The following ASIC2 variants were observed in gnomAD, a reference collection of about 807,000 sequenced individuals.
ASIC2 encodes the protein acid-sensing ion channel 2.
Under a neutral mutation model 57.3 loss-of-function variants are expected in ASIC2, and 25 were observed. The ratio of observed to expected loss-of-function variants is 0.44; its 90% CI spans 0.32 to 0.61. The LOEUF (loss-of-function observed/expected upper bound fraction) is 0.61, where lower values mean the gene tolerates loss of function less well. Among genes scored for constraint, ASIC2 ranks in the 20% least tolerant of loss-of-function variants. The pLI, the probability that ASIC2 is intolerant of heterozygous loss-of-function variation, is 0.06. For missense variants in ASIC2, 641 were observed against 738.1 expected, an observed-to-expected ratio of 0.87 and a Z score of 1.52; for synonymous variants, 319 against 307.5, an observed-to-expected ratio of 1.04 and a Z score of -0.39.
chr17:33,729,285 A>T (rs973289770), intron 1 of ASIC2, among the ~76,000 whole-genome samples: 1 of 152,138 alleles, frequency 6.6e-6, no homozygotes, highest in Non-Finnish European at 1.5e-5. Flanking sequence ...ACACTTTTTT[A>T]AACAACCAGA....
intron 2 of ASIC2, among the ~76,000 whole-genome samples, chr17:33,091,927 T>C (rs2092159128): frequency 6.6e-6 from 1 of 152,194 alleles, no homozygotes; most frequent in Non-Finnish European, 1.5e-5. Flanking sequence ...TTTTATTTAA[T>C]GTTAATTAAT....
intron 1 of ASIC2, among the ~76,000 whole-genome samples, chr17:33,227,725 T>C (rs928320104): frequency 1.3e-5 from 2 of 152,108 alleles, no homozygotes; most frequent in African/African-American, 4.8e-5. Context: ...AAAAACCCAA[T>C]CTGATAGGTG....
chr17:33,472,710 G>A (rs1913094685), intron 1 of ASIC2, among the ~76,000 whole-genome samples: 2 of 152,134 alleles, frequency 1.3e-5, no homozygotes, highest in South Asian at 2.1e-4. Flanking sequence ...CTGGATGGAG[G>A]TGCTTGCCTA....
rs531467173 is a variant in ASIC2 at position 33,595,896 on chromosome 17, C to T, written c.556-483829G>A. Reference sequence around the variant, plus strand: ...TCAGCTGTGTCTTGCCTTCTCTGGGCTCTACTTATTTTCTGGAGCCTCTTC... The same window carrying T: ...TCAGCTGTGTCTTGCCTTCTCTGGGTTCTACTTATTTTCTGGAGCCTCTTC... On this transcript the variant is annotated intron_variant, in intron 1 of 9. Coordinates refer to the ASIC2 transcript ENST00000359872. Among the ~76,000 whole-genome samples the T allele has an allele frequency of 1.5e-3, 232 of 152,290 alleles. 1 individual carries two copies. Among genetic ancestry groups the T allele is most frequent in the African/African-American group, 5.5e-3 (229 of 41,548 alleles).
At chr17:34,143,782 A>T (rs939793530) in intron 1 of ASIC2, among the ~76,000 whole-genome samples, 2 of 152,166 alleles carry the variant, frequency 1.3e-5, no homozygotes, top group South Asian at 4.1e-4. Flanking sequence ...CACAAGCACC[A>T]TGTCTCTGGG....
chr17:33,473,340 C>T (rs1056972081), intron 1 of ASIC2, among the ~76,000 whole-genome samples: 2 of 152,200 alleles, frequency 1.3e-5, no homozygotes, highest in African/African-American at 4.8e-5. Context: ...ATCGGCTTAC[C>T]ACTGTAATAA....
chr17:33,067,377 G>A (rs1308627284), intron 3 of ASIC2, among the ~76,000 whole-genome samples: 1 of 152,204 alleles, frequency 6.6e-6, no homozygotes, highest in Non-Finnish European at 1.5e-5. Flanking sequence ...TTGTATATGA[G>A]TAGCTAGAGG....
chr17:33,804,498 G>GA (rs1912216596), intron 1 of ASIC2, among the ~76,000 whole-genome samples: 1 of 152,122 alleles, frequency 6.6e-6, no homozygotes, highest in South Asian at 2.1e-4. Context: ...ATGAGTGCAG[G>GA]AAAAAAGAAC....
At chr17:33,693,060 C>A (rs1047056823) in intron 1 of ASIC2, among the ~76,000 whole-genome samples, 1 of 152,126 alleles carries the variant, frequency 6.6e-6, no homozygotes, top group Non-Finnish European at 1.5e-5. Context: ...CAATGTTTAT[C>A]ACATAATCCA....
chr17:33,711,514 C>T (rs1268715696), intron 1 of ASIC2, among the ~76,000 whole-genome samples: 1 of 152,172 alleles, frequency 6.6e-6, no homozygotes, highest in Non-Finnish European at 1.5e-5. Flanking sequence ...TTGTATTACT[C>T]TGTTCTCACA....
chr17:33,536,352 G>C (rs1274742568), intron 1 of ASIC2, among the ~76,000 whole-genome samples: 1 of 152,228 alleles, frequency 6.6e-6, no homozygotes, highest in Non-Finnish European at 1.5e-5. Flanking sequence ...ACTGGCTCAA[G>C]CCAACTTGTG....
At position 33,292,255 on chromosome 17, in the gene ASIC2, T is replaced by C. The variant is rs1905514280; in HGVS notation, c.-140A>G. 4 of 990,876 alleles carry C rather than the reference T, an allele frequency of 4.0e-6. No homozygotes were observed. In the South Asian group the frequency reaches 1.9e-4, roughly 47 times the overall value. The allele number at this position is 990,876 out of a possible 1,614,324, so 61.4% of individuals were successfully genotyped here. A position where few individuals can be genotyped will look rare whatever the true frequency, so the allele number is the denominator to read the frequency against. ...AGGGAAGCGTGCGCCCGAAAGGAGC[T>C]CCGGTGGCGCGGCATGCCCGCCCGG... On this transcript the variant is annotated 5_prime_UTR_variant, in exon 1 of 10. Coordinates refer to ENST00000225823, the MANE Select transcript of ASIC2 (RefSeq NM_183377.2).
intron 1 of ASIC2, among the ~76,000 whole-genome samples, chr17:33,598,896 T>A (rs1905052221): frequency 6.6e-6 from 1 of 152,200 alleles, no homozygotes; most frequent in Non-Finnish European, 1.5e-5. Context: ...TCAACTACTT[T>A]GTCAGGGAGT....
At chr17:33,510,022 C>T (rs528499783) in intron 1 of ASIC2, among the ~76,000 whole-genome samples, 9 of 152,150 alleles carry the variant, frequency 5.9e-5, no homozygotes, top group Non-Finnish European at 1.3e-4. Context: ...TTAAATAGCC[C>T]TCCAGAGGGA....
chr17:33,736,572 T>C (rs1381331504), intron 1 of ASIC2, among the ~76,000 whole-genome samples: 1 of 152,220 alleles, frequency 6.6e-6, no homozygotes, highest in Non-Finnish European at 1.5e-5. Context: ...GCTATGCCTC[T>C]GTGATGATTC....
chr17:33,732,557 G>T (rs1316856893), intron 1 of ASIC2, among the ~76,000 whole-genome samples: 1 of 148,122 alleles, frequency 6.8e-6, no homozygotes, highest in African/African-American at 2.5e-5. Flanking sequence ...GGATTGCTGT[G>T]GTGCGATCCT....
At position 33,719,079 on chromosome 17, in the gene ASIC2, C is replaced by T. The variant is rs186659731; in HGVS notation, c.555+436899G>A. On this transcript the variant is annotated intron_variant, in intron 1 of 9. Coordinates refer to the ASIC2 transcript ENST00000359872. ...CTGCCCGGGGGATAGGCTGAGTCCA[C>T]CAATGGGAACCTGCTACACAGGGTG... is the stretch of plus-strand genomic sequence containing the variant. 3.9e-3 allele frequency among the ~76,000 whole-genome samples: 587 copies of T among 152,216 alleles called. 1 individual carries two copies. Among genetic ancestry groups the T allele is most frequent in the Middle Eastern group, 6.8e-3 (2 of 294 alleles).
chr17:33,260,881 G>A (rs1435116138), intron 1 of ASIC2, among the ~76,000 whole-genome samples: 1 of 152,206 alleles, frequency 6.6e-6, no homozygotes, highest in African/African-American at 2.4e-5. Flanking sequence ...CTGGCCTCCT[G>A]CTGCCACGTA....
chr17:33,581,746 A>G (rs1024141513), intron 1 of ASIC2, among the ~76,000 whole-genome samples: 4 of 152,216 alleles, frequency 2.6e-5, no homozygotes, highest in South Asian at 2.1e-4. Flanking sequence ...TTGGTGTCCT[A>G]TGCGATGAAG....
Sources: gnomAD v4.1 joint callset for allele counts (sites outside exome capture counted in the v4.1 genomes callset) on GRCh38, gnomAD v4.1.1 for gene constraint, MANE v1.5 for transcripts, NCBI Gene and HGNC (gene_info 2026-07-23, HGNC 2026-07-21) for gene names.